CCR3: variants seen among roughly 807,000 people sequenced by gnomAD.
The protein encoded by CCR3 is C-C chemokine receptor type 3.
For synonymous variants in CCR3, 203 were observed against 179.2 expected (o/e 1.13, Z -1.06); for missense variants, 419 against 437.5 (o/e 0.96, Z 0.38).
intron 1 of CCR3, among the ~76,000 whole-genome samples, chr3:46,254,198 A>G (rs1700370983): frequency 6.6e-6 from 1 of 152,212 alleles, no homozygotes; most frequent in Non-Finnish European, 1.5e-5. Context: ...GCCACTTACA[A>G]TTATGTGTAT....
chr3:46,263,712 G>C (rs536268529), intron 1 of CCR3: 2 of 152,236 alleles, frequency 1.3e-5, no homozygotes, highest in Admixed American at 1.3e-4. Context: ...GTGACCCAAT[G>C]GTCCTCACTT....
At chr3:46,211,719 A>G (rs1461445327) in intron 2 of CCR3, among the ~76,000 whole-genome samples, 1 of 152,154 alleles carries the variant, frequency 6.6e-6, no homozygotes, top group Non-Finnish European at 1.5e-5. Context: ...TGTCACTTTG[A>G]ACATAGAACA....
rs747674029 is a variant in CCR3 at position 46,266,005 on chromosome 3, A to T, written c.847A>T (p.Met283Leu). The T allele has an allele frequency of 6.2e-7, 1 of 1,614,130 alleles. No individual in the cohort carries two copies. Among genetic ancestry groups the T allele is most frequent in the Non-Finnish European group, 8.5e-7 (1 of 1,180,006 alleles). Residue 283 changes from methionine (M) to leucine (L), a missense_variant, in exon 2 of 2, where the codon ATG (methionine) becomes TTG (leucine). Transcript: ENST00000395940. ...GCGGAGCAAGCATCTGGACCTGGTC[A>T]TGCTGGTGACAGAGGTGATCGCCTA... Reference protein sequence around the residue: ...CERSKHLDLVMLVTEVIAYSH... With the variant: ...CERSKHLDLVLLVTEVIAYSH...
intron 1 of CCR3, among the ~76,000 whole-genome samples, chr3:46,247,303 T>C (rs979125737): frequency 6.6e-6 from 1 of 152,106 alleles, no homozygotes; most frequent in Admixed American, 6.5e-5. Flanking sequence ...ACAAGTTTTT[T>C]TGGGGCACAG....
At chr3:46,231,027 C>T (rs186539791) in intron 2 of CCR3, among the ~76,000 whole-genome samples, 28 of 152,276 alleles carry the variant, frequency 1.8e-4, no homozygotes, top group African/African-American at 6.0e-4. Flanking sequence ...CGGGTTCAAA[C>T]GATTCTCTTG....
chr3:46,259,337 T>C (rs1700482361), intron 1 of CCR3, among the ~76,000 whole-genome samples: 1 of 152,278 alleles, frequency 6.6e-6, no homozygotes. Flanking sequence ...TGAACAATGG[T>C]TTAAAATGCC....
chr3:46,250,896 C>T (rs41530147), intron 1 of CCR3, among the ~76,000 whole-genome samples: 3,348 of 149,612 alleles, frequency 0.022, 121 homozygotes, highest in African/African-American at 0.072. Context: ...GGTCTGGGTG[C>T]GGAAATAAGG....
intron 1 of CCR3, among the ~76,000 whole-genome samples, chr3:46,243,833 T>C (rs1377292174): frequency 6.6e-6 from 1 of 151,908 alleles, no homozygotes; most frequent in Admixed American, 6.6e-5. Flanking sequence ...AAGAGATAAA[T>C]CACAGGAAGG....
chr3:46,222,783 T>C (rs2125923807), intron 2 of CCR3, among the ~76,000 whole-genome samples: 1 of 152,328 alleles, frequency 6.6e-6, no homozygotes, highest in African/African-American at 2.4e-5. Flanking sequence ...TAATATTTCT[T>C]TCTCAGGATT....
intron 1 of CCR3, among the ~76,000 whole-genome samples, chr3:46,244,765 T>A (rs1388251908): frequency 6.6e-6 from 1 of 152,186 alleles, no homozygotes; most frequent in Non-Finnish European, 1.5e-5. Context: ...CATCTGGGCA[T>A]ATATGTGCAA....
intron 2 of CCR3, among the ~76,000 whole-genome samples, chr3:46,228,161 CTT>C (rs35861033): frequency 5.5e-5 from 8 of 146,064 alleles, no homozygotes; most frequent in African/African-American, 1.3e-4. Flanking sequence ...AGTTTGTGGT[CTT>C]TTTTTTTTTT....
upstream of CCR3, among the ~76,000 whole-genome samples, chr3:46,241,559 A>G (rs1388534380): frequency 6.6e-6 from 1 of 152,126 alleles, no homozygotes; most frequent in Non-Finnish European, 1.5e-5. Flanking sequence ...TTCTGCAGAG[A>G]CTTTTCACAT....
At chr3:46,215,981 T>G (rs1186880709) in intron 2 of CCR3, among the ~76,000 whole-genome samples, 1 of 152,228 alleles carries the variant, frequency 6.6e-6, no homozygotes, top group Non-Finnish European at 1.5e-5. Context: ...ACTTCAGATC[T>G]GGTTCCAGCA....
At chr3:46,262,781 A>G (rs1286818952) in intron 1 of CCR3, among the ~76,000 whole-genome samples, 1 of 152,058 alleles carries the variant, frequency 6.6e-6, no homozygotes, top group South Asian at 2.1e-4. Context: ...CAGCCCCCCA[A>G]GTAGTTGGGA....
chr3:46,231,387 T>G (rs1699965002), intron 2 of CCR3, among the ~76,000 whole-genome samples: 1 of 152,244 alleles, frequency 6.6e-6, no homozygotes, highest in Admixed American at 6.5e-5. Context: ...ATTACTCAGG[T>G]GTGAACAAAG....
chr3:46,250,426 A>C (rs919790925), intron 1 of CCR3, among the ~76,000 whole-genome samples: 2 of 152,076 alleles, frequency 1.3e-5, no homozygotes, highest in Non-Finnish European at 2.9e-5. Flanking sequence ...GACAGGCGGG[A>C]GGGAAACAAG....
intron 1 of CCR3, among the ~76,000 whole-genome samples, chr3:46,259,444 T>C (rs182093882): frequency 1.3e-5 from 2 of 152,292 alleles, no homozygotes; most frequent in Non-Finnish European, 2.9e-5. Flanking sequence ...ATATGGCTGA[T>C]ATACAACACA....
chr3:46,251,293 G>A (rs1330117146), intron 1 of CCR3, among the ~76,000 whole-genome samples: 2 of 152,094 alleles, frequency 1.3e-5, no homozygotes, highest in Non-Finnish European at 1.5e-5. Context: ...CGGCGCCGGA[G>A]TTTTGGGTCC....
intron 2 of CCR3, among the ~76,000 whole-genome samples, chr3:46,236,404 A>G (rs1433729863): frequency 4.6e-5 from 7 of 152,246 alleles, no homozygotes; most frequent in Admixed American, 4.6e-4. Context: ...CTGCTCCACC[A>G]GCCCCATCGA....
Sources: allele counts gnomAD v4.1 joint callset (sites outside exome capture counted in the v4.1 genomes callset), GRCh38; gene constraint gnomAD v4.1.1; transcripts MANE v1.5; gene names NCBI Gene and HGNC (gene_info 2026-07-23, HGNC 2026-07-21).